The following ALB variants were observed in gnomAD, a reference collection of about 807,000 sequenced individuals.
The protein encoded by ALB is albumin.
A neutral mutation model predicts 74.5 loss-of-function variants in ALB; 37 were observed. That is an observed-to-expected ratio of 0.50 (90% confidence interval 0.38 to 0.65). The LOEUF (loss-of-function observed/expected upper bound fraction) is 0.65. Ranked by LOEUF, ALB falls within the 30% of genes least tolerant of loss-of-function variation. ALB has a pLI of 0.00. For synonymous variants in ALB, 249 were observed against 251.6 expected, an observed-to-expected ratio of 0.99 and a Z score of 0.10; for missense variants, 685 against 718.7, an observed-to-expected ratio of 0.95 and a Z score of 0.54.
At position 73,409,487 on chromosome 4, in the gene ALB, G is replaced by A. The variant is rs773532821; in HGVS notation, c.615G>A (p.Lys205=). ...AADKAACLLP[K]LDELRDEGKA... ...ATAAAGCTGCCTGCCTGTTGCCAAA[G>A]GTATTATGCAAAAGAATAGAAAAAA... The change falls in exon 5 of 15, where the codon AAG becomes AAA. Residue 205 remains lysine, a splice_region_variant and synonymous_variant. Coordinates refer to ENST00000295897, the MANE Select transcript of ALB (RefSeq NM_000477.7). 2.5e-6 allele frequency: 4 copies of A among 1,613,700 alleles called. No homozygotes were observed. Among genetic ancestry groups the A allele is most frequent in the Non-Finnish European group, 2.5e-6 (3 of 1,179,818 alleles).
intron 5 of ALB, 40 bp from the exon 6 acceptor site, chr4:73,410,272 A>G (rs758600949): frequency 1.3e-6 from 2 of 1,540,842 alleles, no homozygotes; most frequent in African/African-American, 1.4e-5. Context: ...TTCATGTAGA[A>G]TTTTTCTTCT....
At chr4:73,416,202 C>A in intron 9 of ALB, 54 bp from the exon 10 acceptor site, 5 of 1,455,826 alleles carry the variant, frequency 3.4e-6, no homozygotes, top group Non-Finnish European at 4.8e-6. Context: ...TGAAAAACAA[C>A]CTGCATCTGA....
At chr4:73,413,194 C>T (rs1252286831) in intron 7 of ALB, 6 of 524,106 alleles carry the variant, frequency 1.1e-5, no homozygotes, top group African/African-American at 1.1e-4. Flanking sequence ...TAATAAATAA[C>T]TGAGCTGAGC....
chr4:73,406,815 C>G, intron 3 of ALB, 54 bp downstream of exon 3: 16 of 1,600,902 alleles, frequency 1.0e-5, no homozygotes, highest in Non-Finnish European at 1.4e-5. Context: ...TAATCCCAAG[C>G]ATTTCAAAGG....
intron 5 of ALB, 142 bp downstream of exon 5, chr4:73,409,629 A>G: frequency 9.8e-7 from 1 of 1,021,034 alleles, no homozygotes; most frequent in South Asian, 1.5e-5. Flanking sequence ...TGTCTTGAAA[A>G]TCTTTCATCT....
intron 1 of ALB, chr4:73,404,882 G>A (rs768678914): frequency 5.8e-6 from 3 of 520,288 alleles, no homozygotes; most frequent in Non-Finnish European, 1.0e-5. Flanking sequence ...TGAATATAAG[G>A]CTATAAATAT....
Position 73,419,491 on chromosome 4 carries a change from T to C in ALB, c.1653-16T>C. On this transcript the variant is annotated splice_polypyrimidine_tract_variant and intron_variant, in intron 12 of 14. Coordinates refer to ENST00000295897, the MANE Select transcript of ALB (RefSeq NM_000477.7). Reference sequence around the variant, plus strand: ...TTTTTTCTGTTTTTTTTTTTTCTTTTTCCATTCAAACTCAGTGCACTTGTT... The same window carrying C: ...TTTTTTCTGTTTTTTTTTTTTCTTTCTCCATTCAAACTCAGTGCACTTGTT... 6.2e-7 allele frequency: 1 copy of C among 1,608,286 alleles called. No homozygotes were observed. Among genetic ancestry groups the C allele is most frequent in the Non-Finnish European group, 8.5e-7 (1 of 1,178,114 alleles).
intron 4 of ALB, 77 bp downstream of exon 4, chr4:73,408,882 C>A: frequency 2.4e-6 from 3 of 1,239,276 alleles, no homozygotes; most frequent in South Asian, 1.4e-5. Context: ...ATAAAAATTA[C>A]CATAACAAAA....
intron 8 of ALB, 36 bp downstream of exon 8, chr4:73,413,670 G>A (rs1222708335): frequency 1.9e-6 from 3 of 1,599,376 alleles, no homozygotes; most frequent in Non-Finnish European, 2.6e-6. Flanking sequence ...TATAGCTTTG[G>A]CATGACCTCA....
At chr4:73,410,653 A>C (rs1481477049) in intron 6 of ALB, among the ~76,000 whole-genome samples, 1 of 152,140 alleles carries the variant, frequency 6.6e-6, no homozygotes, top group Non-Finnish European at 1.5e-5. Flanking sequence ...TGTCCTAAAA[A>C]AAGGGACAGA....
At chr4:73,415,268 T>C in intron 9 of ALB, 101 bp downstream of exon 9, 1 of 1,399,966 alleles carries the variant, frequency 7.1e-7, no homozygotes, top group Non-Finnish European at 1.0e-6. Flanking sequence ...CAGTGCAATT[T>C]AGATCTTTTC....
rs55861135 is a variant in ALB, at chr4:73,409,501, G to T, written c.615+14G>T. ...CTGTTGCCAAAGGTATTATGCAAAA[G>T]AATAGAAAAAAAGAGTTCATTATCC... On this transcript the variant is annotated intron_variant, in intron 5 of 14. Coordinates refer to ENST00000295897, the MANE Select transcript of ALB (RefSeq NM_000477.7). 8,579 of 1,612,698 alleles carry T rather than the reference G, an allele frequency of 5.3e-3. 402 individuals are homozygous for T. In the African/African-American group the frequency reaches 0.1, roughly 19 times the overall value.
At position 73,415,057 on chromosome 4, in the gene ALB, A is replaced by C. The variant is rs1222187655; in HGVS notation, c.1081A>C (p.Arg361=). 1.2e-6 allele frequency: 2 copies of C among 1,614,048 alleles called. No homozygotes were observed. Among genetic ancestry groups the C allele is most frequent in the Non-Finnish European group, 1.7e-6 (2 of 1,180,022 alleles). ...TAGGTTTTTGTATGAATATGCAAGA[A>C]GGCATCCTGATTACTCTGTCGTGCT... ...LGMFLYEYAR[R]HPDYSVVLLL... is the part of the protein sequence containing the mutation. Residue 361 remains arginine, a synonymous_variant, in exon 9 of 15, where the codon AGG becomes CGG. Transcript: ENST00000295897.
rs1800580 is a variant in ALB at position 73,419,640 on chromosome 4, G to C, written c.1785+1G>C. The C allele has an allele frequency of 9.9e-6, 16 of 1,613,816 alleles. No homozygotes were observed. Among genetic ancestry groups the C allele is most frequent in the Non-Finnish European group, 1.4e-5 (16 of 1,179,858 alleles). ...TAAGGAGACCTGCTTTGCCGAGGAG[G>C]TACTACAGTTCTCTTCATTTTAATA... is the stretch of plus-strand genomic sequence containing the variant. On this transcript the variant is annotated splice_donor_variant, in intron 13 of 14. Transcript: ENST00000295897. LOFTEE classifies it high-confidence loss of function.
At position 73,409,486 on chromosome 4, in the gene ALB, A is replaced by G. The variant is rs772396024; in HGVS notation, c.614A>G (p.Lys205Arg). The G allele has an allele frequency of 6.2e-7, 1 of 1,613,966 alleles. No individual in the cohort carries two copies. Among genetic ancestry groups the G allele is most frequent in the Non-Finnish European group, 8.5e-7 (1 of 1,179,846 alleles). The change falls in exon 5 of 15, where the codon AAG becomes AGG. Residue 205 changes from lysine (K) to arginine (R), a missense_variant and splice_region_variant. Physicochemically the swap from Lys to Arg is conservative, Grantham distance 26. Transcript: ENST00000295897. ...GATAAAGCTGCCTGCCTGTTGCCAA[A>G]GGTATTATGCAAAAGAATAGAAAAA... ...AADKAACLLP[K>R]LDELRDEGKA... is the part of the protein sequence containing the mutation.
intron 4 of ALB, chr4:73,409,147 G>GCACA (rs55764359): frequency 0.17 from 94,001 of 557,828 alleles, 4,218 homozygotes; most frequent in African/African-American, 0.25. Flanking sequence ...AACCATTTAT[G>GCACA]CACACACACA....
chr4:73,404,436 T>G, intron 1 of ALB, 30 bp downstream of exon 1: 1 of 1,540,964 alleles, frequency 6.5e-7, no homozygotes, highest in Non-Finnish European at 9.0e-7. Flanking sequence ...ATTGTTCAAC[T>G]TTTATTCTAT....
intron 14 of ALB, 82 bp downstream of exon 14, chr4:73,420,403 A>T: frequency 1.1e-6 from 1 of 929,488 alleles, no homozygotes; most frequent in Non-Finnish European, 1.7e-6. Context: ...TCCAAGAGCC[A>T]TATAGACCAG....
intron 4 of ALB, chr4:73,409,137 A>T (rs1718804441): frequency 1.7e-6 from 1 of 602,500 alleles, no homozygotes; most frequent in Admixed American, 3.3e-5. Flanking sequence ...GCCAAAATTT[A>T]ACCATTTATG....
Sources: gnomAD v4.1 joint callset for allele counts (sites outside exome capture counted in the v4.1 genomes callset) on GRCh38, gnomAD v4.1.1 for gene constraint, MANE v1.5 for transcripts, NCBI Gene and HGNC (gene_info 2026-07-23, HGNC 2026-07-21) for gene names.